RBL1: variants seen among roughly 807,000 people sequenced by gnomAD.
The protein encoded by RBL1 is RB transcriptional corepressor like 1, also known as retinoblastoma-like protein 1.
In RBL1, 82 loss-of-function variants were observed where a neutral mutation model predicts 123.0. The ratio of observed to expected loss-of-function variants is 0.67; its 90% CI spans 0.56 to 0.80. RBL1 has a LOEUF of 0.80. Ranked by LOEUF, RBL1 falls within the 30% of genes least tolerant of loss-of-function variation. The pLI is 0.00. For synonymous variants in RBL1, 405 were observed against 441.3 expected, an observed-to-expected ratio of 0.92 and a Z score of 1.03; for missense variants, 1,171 against 1,299.6, an observed-to-expected ratio of 0.90 and a Z score of 1.52.
At chr20:37,030,333 G>A (rs1189157296) in intron 16 of RBL1, among the ~76,000 whole-genome samples, 1 of 152,154 alleles carries the variant, frequency 6.6e-6, no homozygotes, top group Non-Finnish European at 1.5e-5. Flanking sequence ...CTCATTCAAT[G>A]GGAAAGGGCA....
At chr20:37,057,727 A>G (rs1277990996) in intron 9 of RBL1, among the ~76,000 whole-genome samples, 2 of 152,106 alleles carry the variant, frequency 1.3e-5, no homozygotes, top group Non-Finnish European at 2.9e-5. Context: ...GGTGGCTCAC[A>G]TCTATATTCC....
intron 7 of RBL1, 65 bp downstream of exon 7, chr20:37,065,359 T>C: frequency 7.9e-7 from 1 of 1,265,862 alleles, no homozygotes; most frequent in Non-Finnish European, 1.1e-6. Flanking sequence ...GCTTAACAAA[T>C]TTCAACAAAT....
rs967898903 is a variant in RBL1 at position 37,062,403 on chromosome 20, C to A, written c.897-133G>T. On this transcript the variant is annotated intron_variant, in intron 7 of 21. Coordinates refer to ENST00000373664, the MANE Select transcript of RBL1 (RefSeq NM_002895.5). ...ATTTTTATTAACTCTGACCATCTAA[C>A]AATATCAGAGGGTCCTACCTGATTA... 2.8e-6 allele frequency: 4 copies of A among 1,408,026 alleles called. No individual in the cohort carries two copies. In the African/African-American group the frequency reaches 4.4e-5, roughly 15 times the overall value. The allele number at this position is 1,408,026 out of a possible 1,614,324, so 87.2% of individuals were successfully genotyped here. A position where few individuals can be genotyped will look rare whatever the true frequency, so the allele number is the denominator to read the frequency against.
At chr20:37,056,125 A>G (rs1334785278) in intron 10 of RBL1, 21 bp downstream of exon 10, 6 of 1,596,984 alleles carry the variant, frequency 3.8e-6, no homozygotes, top group Non-Finnish European at 5.1e-6. Flanking sequence ...TGCTATGCCA[A>G]CTGTAGTTTT....
rs1021741402 is a variant in RBL1 at position 37,068,115 on chromosome 20, C to A, written c.362G>T (p.Arg121Leu). Residue 121 changes from arginine (R) to leucine (L), a missense_variant, in exon 3 of 22, where the codon CGT becomes CTT. Arg to Leu is a moderately radical substitution (Grantham distance 102). Transcript: ENST00000373664. ...AAAATTTCTCTCTAGCCTTTCTATA[C>A]GTTCACGAAATTCTTGTGGTAGATT... ...MSNLPQEFRE[R>L]IERLERNFEV... is the part of the protein sequence containing the mutation. 8 of 1,612,414 alleles carry A rather than the reference C, an allele frequency of 5.0e-6. No individual in the cohort carries two copies. Among genetic ancestry groups the A allele is most frequent in the Non-Finnish European group, 6.8e-6 (8 of 1,179,698 alleles).
At chr20:37,014,386 G>C (rs1311594408) in intron 19 of RBL1, among the ~76,000 whole-genome samples, 1 of 151,798 alleles carries the variant, frequency 6.6e-6, no homozygotes, top group African/African-American at 2.4e-5. Context: ...CTCTTTTTGA[G>C]TGCCAGAATT....
rs1181179936 is a variant in RBL1 at position 37,068,833 on chromosome 20, CTCTCCCTCTCCCTCTCCCCACGG to C, written c.291-670_291-648del. ...TCTACTACAAATACAAAATTAGGAG[CTCTCCCTCTCCCTCTCCCCACGG>C]TCTCCCTCTCCCTCTCTTTCCACGG... is the stretch of plus-strand genomic sequence containing the variant. On this transcript the variant is annotated intron_variant, in intron 2 of 21. Transcript: ENST00000373664. Among the ~76,000 whole-genome samples the C allele has an allele frequency of 3.9e-5, 6 of 152,240 alleles. No individual in the cohort carries two copies. In the East Asian group the frequency reaches 1.2e-3, roughly 29 times the overall value.
intron 17 of RBL1, among the ~76,000 whole-genome samples, chr20:37,022,364 T>C (rs976271949): frequency 1.3e-5 from 2 of 152,214 alleles, no homozygotes; most frequent in African/African-American, 4.8e-5. Context: ...TCTTGCTCTA[T>C]TGCCCAGGCT....
chr20:37,038,483 TAG>T (rs2146257999), intron 14 of RBL1, among the ~76,000 whole-genome samples: 1 of 148,812 alleles, frequency 6.7e-6, no homozygotes, highest in African/African-American at 2.5e-5. Context: ...GTATTTTTAG[TAG>T]AGATAGGGTT....
chr20:37,000,730 A>G, intron 21 of RBL1, among the ~76,000 whole-genome samples: 1 of 96,346 alleles, frequency 1.0e-5, no homozygotes, highest in Non-Finnish European at 2.1e-5. Flanking sequence ...CGGGGAGGTC[A>G]GCCCCCCGCC....
intron 19 of RBL1, among the ~76,000 whole-genome samples, chr20:37,012,477 G>A (rs1246764918): frequency 4.6e-5 from 7 of 150,804 alleles, no homozygotes; most frequent in African/African-American, 1.2e-4. Flanking sequence ...CTGCCCGGCC[G>A]CCCATCGTCT....
Position 37,061,383 on chromosome 20 carries a change from T to C in RBL1, c.1084-114A>G, listed in dbSNP as rs6103438. 4.7e-3 allele frequency: 6,522 copies of C among 1,387,614 alleles called. 224 individuals are homozygous for C. The African/African-American group carries it at 0.081, about 17-fold the overall frequency. The allele number at this position is 1,387,614 out of a possible 1,614,324, so 86.0% of individuals were successfully genotyped here. ...TCATATTTGTAATATCCATGAAATTTTTAGCAATACTATGCTAATAACATC... is the reference window on the plus strand; with the variant it reads ...TCATATTTGTAATATCCATGAAATTCTTAGCAATACTATGCTAATAACATC... On this transcript the variant is annotated intron_variant, in intron 8 of 21. Coordinates refer to ENST00000373664, the MANE Select transcript of RBL1 (RefSeq NM_002895.5).
Position 37,020,714 on chromosome 20 carries a change from C to G in RBL1, c.2576G>C (p.Arg859Thr). 1 of 1,583,490 alleles carries G rather than the reference C, an allele frequency of 6.3e-7. No homozygotes were observed. The highest frequency in any genetic ancestry group is 8.6e-7 in the Non-Finnish European group (1 of 1,161,032). Residue 859 changes from arginine (R) to threonine (T), a missense_variant, in exon 18 of 22, where the codon AGA (arginine) becomes ACA (threonine). Transcript: ENST00000373664. ...ACTTTTCATAATTTCTTGAAAAGTT[C>G]TTTCTTCTTTTGTTACCTAAGGAAA... ...YIMAKVTKEE[R>T]TFQEIMKSYR...
At chr20:37,030,356 A>G (rs760876927) in intron 16 of RBL1, among the ~76,000 whole-genome samples, 5 of 152,224 alleles carry the variant, frequency 3.3e-5, no homozygotes, top group Non-Finnish European at 5.9e-5. Flanking sequence ...CTTTCAACAA[A>G]TCGTGCTGGG....
intron 2 of RBL1, among the ~76,000 whole-genome samples, chr20:37,086,457 G>A (rs903357630): frequency 5.3e-5 from 8 of 151,910 alleles, no homozygotes; most frequent in African/African-American, 9.7e-5. Context: ...GCGTGGTGGC[G>A]GGCGCCTGTA....
intron 6 of RBL1, among the ~76,000 whole-genome samples, chr20:37,065,705 G>T (rs2065167657): frequency 6.6e-6 from 1 of 151,188 alleles, no homozygotes; most frequent in African/African-American, 2.4e-5. Context: ...CAGTGCAGTG[G>T]TACAATCATG....
At chr20:37,052,527 T>A (rs2064934516) in intron 11 of RBL1, among the ~76,000 whole-genome samples, 1 of 152,090 alleles carries the variant, frequency 6.6e-6, no homozygotes, top group African/African-American at 2.4e-5. Flanking sequence ...TTTATTTTTT[T>A]GAGATGGAGT....
chr20:37,049,492 T>G, intron 11 of RBL1: 1 of 755,398 alleles, frequency 1.3e-6, no homozygotes, highest in South Asian at 1.4e-5. Context: ...GAAGAAGTCT[T>G]ACACCACTCC....
intron 19 of RBL1, among the ~76,000 whole-genome samples, chr20:37,011,906 C>T (rs998873239): frequency 2.0e-5 from 3 of 152,136 alleles, no homozygotes; most frequent in Non-Finnish European, 4.4e-5. Flanking sequence ...TCTCTTTCCA[C>T]GGTCTCCCTC....
Sources: gnomAD v4.1 joint callset for allele counts (sites outside exome capture counted in the v4.1 genomes callset) on GRCh38, gnomAD v4.1.1 for gene constraint, MANE v1.5 for transcripts, NCBI Gene and HGNC (gene_info 2026-07-23, HGNC 2026-07-21) for gene names.